Variants in AGBL1 observed in about 807,000 individuals in gnomAD.
The protein encoded by AGBL1 is AGBL carboxypeptidase 1.
In AGBL1, 130 loss-of-function variants were observed where a neutral mutation model predicts 118.9. The observed-to-expected ratio is 1.09, with a 90% CI of 0.95 to 1.26. The LOEUF (loss-of-function observed/expected upper bound fraction) is 1.26, where lower values mean the gene tolerates loss of function less well. Ranked by LOEUF, AGBL1 falls within the 50% of genes most tolerant of loss-of-function variation. The probability of loss-of-function intolerance (pLI) is 0.00; values close to 1 mark genes in which losing one functional copy is unlikely to be tolerated. For synonymous variants in AGBL1, 555 were observed against 478.9 expected, an observed-to-expected ratio of 1.16 and a Z score of -2.08; for missense variants, 1,584 against 1,298.1, an observed-to-expected ratio of 1.22 and a Z score of -3.38.
chr15:86,410,672 A>C (rs1413626102), intron 18 of AGBL1, among the ~76,000 whole-genome samples: 1 of 150,098 alleles, frequency 6.7e-6, no homozygotes, highest in African/African-American at 2.5e-5. Context: ...TGTTCTTCTC[A>C]ATGGTAGGGC....
chr15:86,829,855 G>A lies in AGBL1; in HGVS notation c.3159-77232G>A, dbSNP rs543251556. On this transcript the variant is annotated intron_variant, in intron 22 of 22. Transcript: ENST00000614907. ...ACTTTTGGTTGGGAAAACTAGTTGC[G>A]TGCATTTGTTCAGTTCATTGCAGAA... Among the ~76,000 whole-genome samples, 156 of 152,054 alleles carry A rather than the reference G, an allele frequency of 1.0e-3. 2 individuals are homozygous for A. In the South Asian group the frequency reaches 0.029, roughly 28 times the overall value.
intron 19 of AGBL1, among the ~76,000 whole-genome samples, chr15:86,539,835 A>C (rs868518965): frequency 6.6e-6 from 1 of 152,096 alleles, no homozygotes; most frequent in African/African-American, 2.4e-5. Context: ...GAAGTGTGCA[A>C]CTGTTCTTAT....
chr15:86,211,298 A>T (rs755289694), intron 5 of AGBL1, among the ~76,000 whole-genome samples: 4 of 152,148 alleles, frequency 2.6e-5, no homozygotes, highest in African/African-American at 4.8e-5. Context: ...GGGGTCAGGG[A>T]TCCACTTGAG....
Position 86,635,280 on chromosome 15 carries a change from TTCC to T in AGBL1, c.2995-38992_2995-38990del, listed in dbSNP as rs1201093677. Among the ~76,000 whole-genome samples the T allele has an allele frequency of 5.8e-4, 29 of 49,742 alleles. No individual in the cohort carries two copies. The East Asian group carries it at 0.017, about 28-fold the overall frequency. The allele number at this position is 49,742 out of a possible 152,430, so 32.6% of individuals were successfully genotyped here. On this transcript the variant is annotated intron_variant, in intron 21 of 22. Transcript: ENST00000614907. ...CCCCTCCCCCTCCTCCTCCTCCTCCTTCCCCTCCCCCTCCCCCTCCCCTCCTCC... is the reference window on the plus strand; with the variant it reads ...CCCCTCCCCCTCCTCCTCCTCCTCCTCCTCCCCCTCCCCCTCCCCTCCTCC...
chr15:86,838,848 G>A (rs1188675352), intron 22 of AGBL1, among the ~76,000 whole-genome samples: 1 of 150,566 alleles, frequency 6.6e-6, no homozygotes, highest in Non-Finnish European at 1.5e-5. Flanking sequence ...GGAGGCTGAG[G>A]TGGGAGCATT....
intron 23 of AGBL1, among the ~76,000 whole-genome samples, chr15:86,964,995 T>G (rs2081034945): frequency 1.3e-5 from 2 of 152,196 alleles, no homozygotes; most frequent in South Asian, 4.1e-4. Flanking sequence ...TATTCCGTGG[T>G]GTATATGTGC....
At chr15:86,179,458 G>A (rs553524439) in intron 5 of AGBL1, among the ~76,000 whole-genome samples, 61 of 151,986 alleles carry the variant, frequency 4.0e-4, no homozygotes, top group Non-Finnish European at 7.4e-4. Flanking sequence ...AAGAAAACCC[G>A]ACAATATATG....
chr15:86,088,925 CT>C (rs376979691), intron 1 of AGBL1, among the ~76,000 whole-genome samples: 16 of 152,152 alleles, frequency 1.1e-4, no homozygotes, highest in African/African-American at 3.9e-4. Context: ...TGGTTGGAAT[CT>C]TATCTGTCTT....
At chr15:86,257,042 C>T in intron 8 of AGBL1, 24 bp downstream of exon 8, 1 of 1,598,530 alleles carries the variant, frequency 6.3e-7, no homozygotes, top group Non-Finnish European at 8.5e-7. Flanking sequence ...GTAACTATGA[C>T]CTTTAAGATG....
intron 24 of AGBL1, among the ~76,000 whole-genome samples, chr15:86,990,293 TC>T (rs1356315500): frequency 3.9e-5 from 6 of 152,094 alleles, no homozygotes; most frequent in African/African-American, 1.4e-4. Flanking sequence ...GGCAGTTGGA[TC>T]ACCTGAGGTC....
intron 5 of AGBL1, among the ~76,000 whole-genome samples, chr15:86,209,872 T>A (rs551541033): frequency 6.6e-6 from 1 of 152,228 alleles, no homozygotes; most frequent in Admixed American, 6.5e-5. Flanking sequence ...GTTAGCTGGT[T>A]ATTTTGCCCA....
At chr15:86,403,883 A>G (rs1441379644) in intron 18 of AGBL1, among the ~76,000 whole-genome samples, 1 of 152,214 alleles carries the variant, frequency 6.6e-6, no homozygotes, top group African/African-American at 2.4e-5. Flanking sequence ...AGTCATTCAA[A>G]TGATAAGGAA....
intron 21 of AGBL1, among the ~76,000 whole-genome samples, chr15:86,625,382 T>TTTTTTTTTTTTTTTTTTTTA (rs2084870721): frequency 2.6e-5 from 1 of 38,596 alleles, no homozygotes; most frequent in Non-Finnish European, 4.7e-5. Context: ...TTTTTTTGTT[T>TTTTTTTTTTTTTTTTTTTTA]TTGTTTTTTT....
Position 86,556,359 on chromosome 15 carries a change from G to C in AGBL1, c.2994+1822G>C, listed in dbSNP as rs1213482988. On this transcript the variant is annotated intron_variant, in intron 21 of 22. Coordinates refer to ENST00000614907, the MANE Select transcript of AGBL1 (RefSeq NM_001386094.1). ...TTGGGTCACTAGAAGGAATAATGGA[G>C]GGAGAACTGGCTAGAGAAAGCCCTA... 1.2e-5 allele frequency: 16 copies of C among 1,321,802 alleles called. No individual in the cohort carries two copies. In the Admixed American group the frequency reaches 2.3e-4, roughly 19 times the overall value. 81.9% of individuals were successfully genotyped at this position (1,321,802 alleles called of 1,614,324 possible).
chr15:87,008,715 A>G (rs963010514), intron 24 of AGBL1, among the ~76,000 whole-genome samples: 10 of 152,200 alleles, frequency 6.6e-5, no homozygotes, highest in Non-Finnish European at 1.0e-4. Flanking sequence ...GATATGGACA[A>G]TGAAATCCAG....
chr15:86,269,934 G>A lies in AGBL1; in HGVS notation c.1854G>A (p.Leu618=). 1 of 1,613,750 alleles carries A rather than the reference G, an allele frequency of 6.2e-7. No homozygotes were observed. ...AIQVREFEYD[L]LVNADVNSTQ... is the part of the protein sequence containing the mutation. ...TGATCTGCAGGTTCGAGTATGACTTGCTGGTCAACGCAGATGTGAATAGCA... is the reference window on the plus strand; with the variant it reads ...TGATCTGCAGGTTCGAGTATGACTTACTGGTCAACGCAGATGTGAATAGCA... The change falls in exon 14 of 23, where the codon TTG becomes TTA. Residue 618 remains leucine (L), a synonymous_variant. Coordinates refer to ENST00000614907, the MANE Select transcript of AGBL1 (RefSeq NM_001386094.1).
chr15:86,271,828 C>T (rs1404741009), intron 15 of AGBL1, 122 bp downstream of exon 15: 1 of 943,612 alleles, frequency 1.1e-6, no homozygotes, highest in African/African-American at 1.6e-5. Context: ...CTTTTTGTCA[C>T]TCTGTCCTAA....
chr15:86,185,939 G>T (rs536038730), intron 5 of AGBL1, among the ~76,000 whole-genome samples: 1 of 152,084 alleles, frequency 6.6e-6, no homozygotes, highest in African/African-American at 2.4e-5. Context: ...TTAAAAAGGG[G>T]ATTCTAAAAT....
At chr15:86,251,938 C>T (rs368403103) in intron 7 of AGBL1, among the ~76,000 whole-genome samples, 1 of 152,062 alleles carries the variant, frequency 6.6e-6, no homozygotes, top group Non-Finnish European at 1.5e-5. Flanking sequence ...AGAAAAGAAC[C>T]ACTCTTTGGA....
Sources: allele counts gnomAD v4.1 joint callset (sites outside exome capture counted in the v4.1 genomes callset), GRCh38; gene constraint gnomAD v4.1.1; transcripts MANE v1.5; gene names NCBI Gene and HGNC (gene_info 2026-07-23, HGNC 2026-07-21).